Variants in CCDC30 observed in about 807,000 individuals in gnomAD.
CCDC30 encodes coiled-coil domain-containing protein 30.
Under a neutral mutation model 100.2 loss-of-function variants are expected in CCDC30, and 70 were observed. That is an observed-to-expected ratio of 0.70 (90% CI 0.58 to 0.85). CCDC30 has a LOEUF of 0.85. Among genes scored for constraint, CCDC30 ranks in the 40% least tolerant of loss-of-function variants. The pLI is 0.00. For synonymous variants in CCDC30, 233 were observed against 269.5 expected, an observed-to-expected ratio of 0.86 and a Z score of 1.33; for missense variants, 652 against 771.2, an observed-to-expected ratio of 0.85 and a Z score of 1.83.
At chr1:42,495,677 A>G (rs907343427) in intron 4 of CCDC30, among the ~76,000 whole-genome samples, 4 of 151,908 alleles carry the variant, frequency 2.6e-5, no homozygotes, top group Admixed American at 2.6e-4. Flanking sequence ...GCAACAGAGC[A>G]AGATTCTGAC....
intron 10 of CCDC30, among the ~76,000 whole-genome samples, chr1:42,600,812 T>G (rs952212314): frequency 1.1e-4 from 17 of 148,472 alleles, no homozygotes; most frequent in African/African-American, 1.7e-4. Flanking sequence ...CCCTGTGCTC[T>G]CTCTCTCTCT....
chr1:42,547,367 A>T (rs1372829448), intron 6 of CCDC30, among the ~76,000 whole-genome samples: 1 of 152,242 alleles, frequency 6.6e-6, no homozygotes, highest in Non-Finnish European at 1.5e-5. Flanking sequence ...TGAGTGATAG[A>T]TGAAGAGATG....
intron 8 of CCDC30, among the ~76,000 whole-genome samples, chr1:42,580,284 A>AT (rs1484024128): frequency 1.3e-5 from 2 of 152,152 alleles, no homozygotes; most frequent in African/African-American, 4.8e-5. Context: ...CCCTTGAATC[A>AT]TTCTGCATCT....
chr1:42,526,937 G>C (rs1644732089), intron 6 of CCDC30, among the ~76,000 whole-genome samples: 1 of 152,080 alleles, frequency 6.6e-6, no homozygotes, highest in Admixed American at 6.6e-5. Context: ...TTCCCAGAAA[G>C]ATGATTACTT....
intron 6 of CCDC30, among the ~76,000 whole-genome samples, chr1:42,565,786 G>T (rs888964104): frequency 6.6e-6 from 1 of 152,094 alleles, no homozygotes; most frequent in Non-Finnish European, 1.5e-5. Context: ...ATCCTTGAAA[G>T]AATGTGTTTT....
chr1:42,488,564 G>A (rs1484051616), intron 3 of CCDC30, among the ~76,000 whole-genome samples: 1 of 152,114 alleles, frequency 6.6e-6, no homozygotes, highest in African/African-American at 2.4e-5. Context: ...TCATGCCTCA[G>A]CCTCCCAAGT....
the CCDC30 span, chr1:42,457,056 A>C: frequency 6.3e-7 from 1 of 1,598,210 alleles, no homozygotes; most frequent in Non-Finnish European, 8.5e-7. Flanking sequence ...GCTGCGGCCC[A>C]GGCACTCAAT....
chr1:42,520,272 ATCTG>A (rs1644617454), intron 6 of CCDC30, among the ~76,000 whole-genome samples: 1 of 92,934 alleles, frequency 1.1e-5, no homozygotes, highest in Non-Finnish European at 3.1e-5. Flanking sequence ...CTTTTTCTGT[ATCTG>A]TAAGTTTTGG....
At chr1:42,608,394 A>G (rs1646547170) in intron 10 of CCDC30, among the ~76,000 whole-genome samples, 1 of 152,204 alleles carries the variant, frequency 6.6e-6, no homozygotes, top group Non-Finnish European at 1.5e-5. Flanking sequence ...ATTGTTATAG[A>G]AAAAGCTGTG....
At chr1:42,471,015 G>A (rs1643753472) in intron 1 of CCDC30, among the ~76,000 whole-genome samples, 2 of 152,184 alleles carry the variant, frequency 1.3e-5, no homozygotes, top group South Asian at 4.1e-4. Flanking sequence ...AGGTGTTAGA[G>A]GGAGACACAT....
chr1:42,497,304 G>A (rs2148474713), intron 5 of CCDC30, 91 bp downstream of exon 5: 2 of 754,212 alleles, frequency 2.7e-6, no homozygotes, highest in Non-Finnish European at 3.6e-6. Context: ...CATGTAAGTT[G>A]GTCTTTAGCA....
chr1:42,538,456 C>G (rs929044898), intron 6 of CCDC30, among the ~76,000 whole-genome samples: 1 of 151,654 alleles, frequency 6.6e-6, no homozygotes, highest in Non-Finnish European at 1.5e-5. Flanking sequence ...TTTAAGCTGT[C>G]CATCATGGCA....
At chr1:42,466,899 A>C (rs546311778) in intron 1 of CCDC30, among the ~76,000 whole-genome samples, 2 of 152,206 alleles carry the variant, frequency 1.3e-5, no homozygotes, top group African/African-American at 4.8e-5. Context: ...TTTTAGGTAC[A>C]GTTTAGATGT....
At chr1:42,498,205 T>C (rs1294438328) in intron 5 of CCDC30, among the ~76,000 whole-genome samples, 3 of 152,220 alleles carry the variant, frequency 2.0e-5, no homozygotes, top group East Asian at 3.8e-4. Flanking sequence ...ATTACACTTA[T>C]ATGGCATGCT....
At chr1:42,486,014 T>C (rs1324320634) in intron 3 of CCDC30, among the ~76,000 whole-genome samples, 1 of 152,156 alleles carries the variant, frequency 6.6e-6, no homozygotes, top group African/African-American at 2.4e-5. Context: ...GTGGAAACAT[T>C]GAAACCCTTA....
rs1014449337 is a variant in CCDC30, at chr1:42,596,139, C to T, written c.1164+6656C>T. Among the ~76,000 whole-genome samples the T allele has an allele frequency of 3.3e-5, 5 of 152,160 alleles. No homozygotes were observed. Among genetic ancestry groups the T allele is most frequent in the African/African-American group, 1.2e-4 (5 of 41,438 alleles). On this transcript the variant is annotated intron_variant, in intron 10 of 16. Coordinates refer to ENST00000668663, the Ensembl canonical transcript of CCDC30. The surrounding 1 kb of genome is among the most constrained non-coding windows in gnomAD (Gnocchi z 4.3). ...GACAAATACAGATAATCACAACTTA[C>T]TGGAGCAAAACCTTCATGAGGACCA...
chr1:42,504,282 C>T (rs548362860), intron 6 of CCDC30, among the ~76,000 whole-genome samples: 3 of 152,264 alleles, frequency 2.0e-5, no homozygotes, highest in South Asian at 2.1e-4. Context: ...CCAGCGTGGG[C>T]ATTATGGCCA....
At chr1:42,510,185 G>C in intron 6 of CCDC30, 19 of 805,892 alleles carry the variant, frequency 2.4e-5, no homozygotes, top group South Asian at 5.6e-5. Context: ...AATTGGGAAT[G>C]ATGATTCCCC....
At chr1:42,542,841 C>T in intron 6 of CCDC30, 1 of 152,426 alleles carries the variant, frequency 6.6e-6, no homozygotes, top group Middle Eastern at 1.3e-3. Context: ...GCGTGAGCCA[C>T]CGCGCCCGGC....
Sources: gnomAD v4.1 joint callset for allele counts (sites outside exome capture counted in the v4.1 genomes callset) on GRCh38, gnomAD v4.1.1 for gene constraint, Gnocchi (gnomAD v3.1) non-coding constraint, MANE v1.5 for transcripts, NCBI Gene and HGNC (gene_info 2026-07-23, HGNC 2026-07-21) for gene names.